The following TBC1D4 variants were observed in gnomAD, a reference collection of about 807,000 sequenced individuals.
TBC1D4 encodes TBC (Tre-2, BUB2, CDC16) domain-containing protein.
A neutral mutation model predicts 142.5 loss-of-function variants in TBC1D4; 121 were observed. The ratio of observed to expected loss-of-function variants is 0.85; its 90% CI spans 0.73 to 0.99. The LOEUF (loss-of-function observed/expected upper bound fraction) is 0.99, where lower values mean the gene tolerates loss of function less well. Among genes scored for constraint, TBC1D4 ranks in the 50% least tolerant of loss-of-function variants. The probability of loss-of-function intolerance (pLI) is 0.00; values close to 1 mark genes in which losing one functional copy is unlikely to be tolerated. For synonymous variants in TBC1D4, 630 were observed against 628.2 expected, an observed-to-expected ratio of 1.00 and a Z score of -0.04; for missense variants, 1,475 against 1,606.6, an observed-to-expected ratio of 0.92 and a Z score of 1.40.
intron 1 of TBC1D4, among the ~76,000 whole-genome samples, chr13:75,426,416 G>A (rs17064423): frequency 0.029 from 4,367 of 152,226 alleles, 218 homozygotes; most frequent in African/African-American, 0.1. Context: ...ACATGTATCC[G>A]GCTAATAAAT....
chr13:75,322,565 G>T (rs1182793774), intron 11 of TBC1D4, among the ~76,000 whole-genome samples: 1 of 152,130 alleles, frequency 6.6e-6, no homozygotes, highest in African/African-American at 2.4e-5. Flanking sequence ...ATAGACAGAA[G>T]CCACCACTTT....
chr13:75,375,712 A>C (rs1410180988), intron 1 of TBC1D4: 1 of 152,084 alleles, frequency 6.6e-6, no homozygotes, highest in Non-Finnish European at 1.5e-5. Flanking sequence ...AGCAGGATAC[A>C]AAGAAGGAAT....
intron 19 of TBC1D4, among the ~76,000 whole-genome samples, 184 bp from the exon 20 acceptor site, chr13:75,289,294 C>G (rs1014425881): frequency 1.3e-5 from 2 of 151,928 alleles, no homozygotes; most frequent in African/African-American, 4.8e-5. Context: ...TTTACACTGT[C>G]AACATAAAAA....
At chr13:75,473,099 AT>A (rs1323166453) in intron 1 of TBC1D4, among the ~76,000 whole-genome samples, 2 of 152,134 alleles carry the variant, frequency 1.3e-5, no homozygotes, top group South Asian at 2.1e-4. Context: ...GGTTCAAGCA[AT>A]TCTCATGCCT....
At chr13:75,340,826 G>A (rs1038803505) in intron 7 of TBC1D4, among the ~76,000 whole-genome samples, 1 of 152,104 alleles carries the variant, frequency 6.6e-6, no homozygotes, top group Non-Finnish European at 1.5e-5. Flanking sequence ...CATGCCTGTA[G>A]TCCCAGCTAC....
chr13:75,285,268 T>A lies in TBC1D4; in HGVS notation c.*1524A>T, dbSNP rs867718120. On this transcript the variant is annotated 3_prime_UTR_variant, in exon 21 of 21. Coordinates refer to ENST00000377636, the MANE Select transcript of TBC1D4 (RefSeq NM_014832.5). The stretch of plus-strand genomic sequence containing the variant: ...ATGTTTGTCATCTGTTCATCAAAGC[T>A]TTCTGAAACCCCTAGAGCTTTACTA... The A allele has an allele frequency of 6.6e-6, 1 of 152,238 alleles. No individual in the cohort carries two copies. Among genetic ancestry groups the A allele is most frequent in the Non-Finnish European group, 1.5e-5 (1 of 68,034 alleles). 9.4% of individuals were successfully genotyped at this position (152,238 alleles called of 1,614,324 possible). A position where few individuals can be genotyped will look rare whatever the true frequency, so the allele number is the denominator to read the frequency against.
chr13:75,315,860 G>A (rs1325510918), intron 12 of TBC1D4, among the ~76,000 whole-genome samples: 1 of 152,058 alleles, frequency 6.6e-6, no homozygotes, highest in Admixed American at 6.6e-5. Context: ...AACTGTTGAT[G>A]GCACTGGTAG....
chr13:75,442,318 G>C (rs1031261597), intron 1 of TBC1D4, among the ~76,000 whole-genome samples: 5 of 152,096 alleles, frequency 3.3e-5, no homozygotes, highest in African/African-American at 4.8e-5. Context: ...GTTCAGAGGA[G>C]AATCTAGCAA....
Position 75,359,849 on chromosome 13 carries a change from A to G in TBC1D4, c.1090T>C (p.Phe364Leu), listed in dbSNP as rs1882356764. 6.2e-7 allele frequency: 1 copy of G among 1,613,412 alleles called. No individual in the cohort carries two copies. The highest frequency in any genetic ancestry group is 8.5e-7 in the Non-Finnish European group (1 of 1,179,594). The change falls in exon 3 of 21, where the codon TTT becomes CTT. Residue 364 changes from phenylalanine to leucine, a missense_variant. Phe to Leu is a conservative substitution (Grantham distance 22). This residue lies in a region of TBC1D4 where 1,227 missense variants were observed against 1,267.7 expected (regional missense o/e 0.97). Coordinates refer to ENST00000377636, the MANE Select transcript of TBC1D4 (RefSeq NM_014832.5). ...TCTGGACTGATAAGGTTAATCTCAAATCGCCCAACCTTAAAAATAAAAGCA... is the reference window on the plus strand; with the variant it reads ...TCTGGACTGATAAGGTTAATCTCAAGTCGCCCAACCTTAAAAATAAAAGCA... The part of the protein sequence containing the change: ...NRTMLFQVGR[F>L]EINLISPDTK...
At chr13:75,397,817 T>C (rs758437480) in intron 1 of TBC1D4, among the ~76,000 whole-genome samples, 11 of 152,184 alleles carry the variant, frequency 7.2e-5, no homozygotes, top group Non-Finnish European at 1.2e-4. Context: ...CTACAAATTA[T>C]TCGTAGTTTT....
chr13:75,427,336 T>A (rs1886418956), intron 1 of TBC1D4, among the ~76,000 whole-genome samples: 1 of 152,100 alleles, frequency 6.6e-6, no homozygotes. Context: ...CGGCCCAAAA[T>A]ATAAACTTTT....
At chr13:75,387,833 T>C (rs896616950) in intron 1 of TBC1D4, among the ~76,000 whole-genome samples, 1 of 152,186 alleles carries the variant, frequency 6.6e-6, no homozygotes, top group African/African-American at 2.4e-5. Context: ...TTACAACTTG[T>C]ATTAGCTTTC....
chr13:75,321,806 C>A (rs1878805811), intron 11 of TBC1D4, among the ~76,000 whole-genome samples: 1 of 151,602 alleles, frequency 6.6e-6, no homozygotes, highest in African/African-American at 2.4e-5. Context: ...TGTCTACTCA[C>A]AAGAGAATGG....
intron 1 of TBC1D4, among the ~76,000 whole-genome samples, chr13:75,434,876 G>A (rs554034572): frequency 2.7e-5 from 4 of 150,750 alleles, no homozygotes; most frequent in African/African-American, 9.8e-5. Flanking sequence ...GGCCTGGTAC[G>A]GTGGCTCATG....
At chr13:75,341,313 A>C in intron 6 of TBC1D4, 78 bp from the exon 7 acceptor site, 1 of 1,444,084 alleles carries the variant, frequency 6.9e-7, no homozygotes, top group Non-Finnish European at 9.7e-7. Context: ...GACAAACGTA[A>C]ATAAAGCTAA....
Position 75,331,020 on chromosome 13 carries a change from C to A in TBC1D4, c.1732-3194G>T, listed in dbSNP as rs79751516. Among the ~76,000 whole-genome samples the A allele has an allele frequency of 9.2e-3, 1,401 of 152,240 alleles. 21 individuals carry two copies. Among genetic ancestry groups the A allele is most frequent in the South Asian group, 0.048 (232 of 4,824 alleles). ...CTATTACTAGAAAAACAACTGAAAT[C>A]ACCTATTTTACTCATAGTGGTGTTT... On this transcript the variant is annotated intron_variant, in intron 8 of 20. Transcript: ENST00000377636.
chr13:75,438,715 A>T (rs1341270722), intron 1 of TBC1D4, among the ~76,000 whole-genome samples: 1 of 152,224 alleles, frequency 6.6e-6, no homozygotes, highest in South Asian at 2.1e-4. Flanking sequence ...AAGCAGATTA[A>T]TGTCGACCTC....
intron 12 of TBC1D4, among the ~76,000 whole-genome samples, chr13:75,319,788 T>A (rs568704593): frequency 6.6e-6 from 1 of 152,328 alleles, no homozygotes; most frequent in South Asian, 2.1e-4. Flanking sequence ...CAGCATGGAA[T>A]AGAGTAGAAA....
At chr13:75,373,709 C>A (rs1021962563) in intron 1 of TBC1D4, among the ~76,000 whole-genome samples, 6 of 152,206 alleles carry the variant, frequency 3.9e-5, no homozygotes, top group African/African-American at 1.4e-4. Flanking sequence ...TGCAGCAAGA[C>A]TGCCTTTCTG....
Sources: allele counts gnomAD v4.1 joint callset (sites outside exome capture counted in the v4.1 genomes callset), GRCh38; gene constraint gnomAD v4.1.1; regional missense constraint gnomAD v4.1.1; transcripts MANE v1.5; gene names NCBI Gene and HGNC (gene_info 2026-07-23, HGNC 2026-07-21).